Variants in RAPGEF2 observed in about 807,000 individuals in gnomAD.
The protein encoded by RAPGEF2 is PDZ domain containing guanine nucleotide exchange factor (GEF) 1.
RAPGEF2 carries 54 observed loss-of-function variants against 186.7 expected under a neutral mutation model. The observed-to-expected ratio is 0.29, with a 90% CI of 0.23 to 0.36. The LOEUF (loss-of-function observed/expected upper bound fraction) is 0.36. Ranked by LOEUF, RAPGEF2 falls within the 10% of genes least tolerant of loss-of-function variation. The pLI, the probability that RAPGEF2 is intolerant of heterozygous loss-of-function variation, is 1.00. For synonymous variants in RAPGEF2, 712 were observed against 705.9 expected (o/e 1.01, Z -0.14); for missense variants, 1,532 against 2,045.0 (o/e 0.75, Z 4.84).
intron 10 of RAPGEF2, among the ~76,000 whole-genome samples, chr4:159,322,960 G>C (rs1460628797): frequency 1.3e-5 from 2 of 152,132 alleles, no homozygotes; most frequent in Admixed American, 6.5e-5. Flanking sequence ...CTCGAGATTT[G>C]GGTGGGGACA....
intron 8 of RAPGEF2, among the ~76,000 whole-genome samples, chr4:159,311,334 A>G (rs1019163498): frequency 2.6e-5 from 4 of 152,170 alleles, no homozygotes; most frequent in Admixed American, 2.6e-4. Flanking sequence ...TTACAAATAT[A>G]TAAGGAGAGT....
At chr4:159,180,893 G>T (rs1245562219) in intron 1 of RAPGEF2, among the ~76,000 whole-genome samples, 1 of 152,126 alleles carries the variant, frequency 6.6e-6, no homozygotes, top group African/African-American at 2.4e-5. Flanking sequence ...ACTTATGTCA[G>T]TGAATTATAG....
chr4:159,257,855 A>G (rs1315764374), intron 7 of RAPGEF2, among the ~76,000 whole-genome samples: 2 of 152,132 alleles, frequency 1.3e-5, no homozygotes, highest in Non-Finnish European at 2.9e-5. Flanking sequence ...TCAGGGTAGC[A>G]TGATGCCTCC....
At chr4:159,192,637 G>A (rs905538337) in intron 2 of RAPGEF2, among the ~76,000 whole-genome samples, 6 of 151,888 alleles carry the variant, frequency 4.0e-5, no homozygotes, top group African/African-American at 7.3e-5. Context: ...TTATAATTTC[G>A]TAATTTTTTC....
At chr4:159,336,442 A>T (rs1016078820) in intron 17 of RAPGEF2, among the ~76,000 whole-genome samples, 1 of 152,144 alleles carries the variant, frequency 6.6e-6, no homozygotes, top group Non-Finnish European at 1.5e-5. Flanking sequence ...TTCCACCATT[A>T]TATCACTTAG....
Position 159,343,069 on chromosome 4 carries a change from C to G in RAPGEF2, c.3009C>G (p.Asp1003Glu). ...AAAAACTATTTCAAGATCTCCAAGA[C>G]CTGTTTGATCCTTCCAGAAACATGG... The part of the protein sequence containing the change: ...KYEKLFQDLQ[D>E]LFDPSRNMAK... The change falls in exon 21 of 30, where the codon GAC becomes GAG. Residue 1003 changes from aspartate to glutamate, a missense_variant. Physicochemically the swap from Asp to Glu is conservative, Grantham distance 45 (BLOSUM62 2). Coordinates refer to ENST00000691494, the MANE Select transcript of RAPGEF2 (RefSeq NM_001394067.2). The G allele has an allele frequency of 6.2e-7, 1 of 1,614,088 alleles. No homozygotes were observed. The highest frequency in any genetic ancestry group is 8.5e-7 in the Non-Finnish European group (1 of 1,179,954).
chr4:159,109,687 C>T (rs1159177867), intron 1 of RAPGEF2, among the ~76,000 whole-genome samples: 1 of 152,150 alleles, frequency 6.6e-6, no homozygotes, highest in Non-Finnish European at 1.5e-5. Context: ...TATGACAGCA[C>T]TGAAGAGGAT....
chr4:159,141,166 AG>A (rs1222357248), intron 1 of RAPGEF2, among the ~76,000 whole-genome samples: 2 of 152,200 alleles, frequency 1.3e-5, no homozygotes, highest in Non-Finnish European at 2.9e-5. Flanking sequence ...CATAAGAGAA[AG>A]TCTTCCTCCT....
chr4:159,157,450 TA>T (rs1292509471), intron 1 of RAPGEF2, among the ~76,000 whole-genome samples: 2 of 152,196 alleles, frequency 1.3e-5, no homozygotes, highest in Admixed American at 1.3e-4. Flanking sequence ...ATTATGTGCT[TA>T]TTGTGTTCTT....
At chr4:159,217,183 G>C (rs1200949840) in intron 4 of RAPGEF2, among the ~76,000 whole-genome samples, 2 of 152,012 alleles carry the variant, frequency 1.3e-5, no homozygotes, top group Admixed American at 1.3e-4. Context: ...TTTTGATTTT[G>C]ATTTTAGATT....
chr4:159,104,396 C>T (rs1737548247), intron 1 of RAPGEF2, among the ~76,000 whole-genome samples, 165 bp downstream of exon 1: 1 of 151,456 alleles, frequency 6.6e-6, no homozygotes, highest in Admixed American at 6.6e-5. Context: ...TCTTTTACTC[C>T]GCCTATCCTG....
In RAPGEF2 at chr4:159,133,759, A is replaced by G. The variant is rs555523887; in HGVS notation, c.69+29528A>G. ...CCACCACGCCCAGCTAATTTTTTGT[A>G]TTTTTAGTAGAGACGGGGTTTCACC... On this transcript the variant is annotated intron_variant, in intron 1 of 29. Coordinates refer to ENST00000691494, the MANE Select transcript of RAPGEF2 (RefSeq NM_001394067.2). Among the ~76,000 whole-genome samples, 12 of 151,958 alleles carry G rather than the reference A, an allele frequency of 7.9e-5. No individual in the cohort carries two copies. In the East Asian group the frequency reaches 2.3e-3, roughly 29 times the overall value.
intron 7 of RAPGEF2, among the ~76,000 whole-genome samples, chr4:159,294,123 TA>T (rs1761605788): frequency 6.6e-6 from 1 of 152,224 alleles, no homozygotes. Context: ...TTATAACTTT[TA>T]AAGAGTTAAA....
chr4:159,248,757 A>G (rs571768079), intron 7 of RAPGEF2, among the ~76,000 whole-genome samples: 1 of 152,382 alleles, frequency 6.6e-6, no homozygotes, highest in East Asian at 1.9e-4. Context: ...ATCAAGAAAT[A>G]GTTTAGAAAA....
At chr4:159,166,529 T>G (rs375143213) in intron 1 of RAPGEF2, among the ~76,000 whole-genome samples, 1 of 152,354 alleles carries the variant, frequency 6.6e-6, no homozygotes, top group East Asian at 1.9e-4. Context: ...TGATCTACTT[T>G]GTAGTTAACC....
intron 4 of RAPGEF2, among the ~76,000 whole-genome samples, chr4:159,218,393 C>CT (rs1751185341): frequency 6.6e-6 from 1 of 152,154 alleles, no homozygotes; most frequent in Non-Finnish European, 1.5e-5. Flanking sequence ...GAAAATATCA[C>CT]TAACTTGTAA....
At chr4:159,165,406 G>A (rs1209357372) in intron 1 of RAPGEF2, among the ~76,000 whole-genome samples, 2 of 151,986 alleles carry the variant, frequency 1.3e-5, no homozygotes, top group African/African-American at 2.4e-5. Flanking sequence ...CATTCAGATC[G>A]GATATGTTTT....
intron 25 of RAPGEF2, among the ~76,000 whole-genome samples, chr4:159,347,425 G>A (rs1730480151): frequency 6.6e-6 from 1 of 152,206 alleles, no homozygotes; most frequent in Non-Finnish European, 1.5e-5. Flanking sequence ...ATAACTTAGA[G>A]GGAAAAATAA....
chr4:159,358,212 C>T lies in RAPGEF2; in HGVS notation c.*73C>T. The T allele has an allele frequency of 1.4e-6, 2 of 1,457,406 alleles. No homozygotes were observed. The highest frequency in any genetic ancestry group is 1.9e-6 in the Non-Finnish European group (2 of 1,063,956). 90.3% of individuals were successfully genotyped at this position (1,457,406 alleles called of 1,614,324 possible). A position where few individuals can be genotyped will look rare whatever the true frequency, so the allele number is the denominator to read the frequency against. Reference sequence around the variant, plus strand: ...CAAGAAGACGTCCTGAGCATTGGAGCCTTGGAACTCACATTCTGAGGACGG... The same window carrying T: ...CAAGAAGACGTCCTGAGCATTGGAGTCTTGGAACTCACATTCTGAGGACGG... On this transcript the variant is annotated 3_prime_UTR_variant, in exon 30 of 30. Coordinates refer to ENST00000691494, the MANE Select transcript of RAPGEF2 (RefSeq NM_001394067.2).
Sources: gnomAD v4.1 joint callset for allele counts (sites outside exome capture counted in the v4.1 genomes callset) on GRCh38, gnomAD v4.1.1 for gene constraint, MANE v1.5 for transcripts, NCBI Gene and HGNC (gene_info 2026-07-23, HGNC 2026-07-21) for gene names.